Variants in EBF3 observed in about 807,000 individuals in gnomAD.
EBF3 encodes the protein EBF transcription factor 3.
Under a neutral mutation model 77.1 loss-of-function variants are expected in EBF3, and 18 were observed. The observed-to-expected ratio is 0.23, with a 90% CI of 0.16 to 0.35. EBF3 has a LOEUF of 0.35. Ranked by LOEUF, EBF3 falls within the 10% of genes least tolerant of loss-of-function variation. The probability of loss-of-function intolerance (pLI) is 1.00; values close to 1 mark genes in which losing one functional copy is unlikely to be tolerated. For synonymous variants in EBF3, 350 were observed against 343.5 expected (o/e 1.02, Z -0.21); for missense variants, 558 against 860.0 (o/e 0.65, Z 4.39).
At chr10:129,865,489 G>A (rs533859086) in intron 10 of EBF3, among the ~76,000 whole-genome samples, 6 of 152,184 alleles carry the variant, frequency 3.9e-5, no homozygotes, top group Non-Finnish European at 7.3e-5. Flanking sequence ...TCTTCTGGCA[G>A]CTCCTGAGCG....
rs77591282 is a variant in EBF3 at position 129,899,451 on chromosome 10, G to A, written c.555-21602C>T. 8.1e-3 allele frequency among the ~76,000 whole-genome samples: 1,234 copies of A among 152,304 alleles called. 16 individuals are homozygous for A. The highest frequency in any genetic ancestry group is 0.029 in the African/African-American group (1,185 of 41,574). On this transcript the variant is annotated intron_variant, in intron 6 of 16. Transcript: ENST00000440978. ...GGAGGACGGTGAGGCAGAGGCCGGC[G>A]CCCTGGACCAGCCTGGGTCATTTCA...
In EBF3 at chr10:129,835,595, G is replaced by A. The variant is rs1849570258; in HGVS notation, c.*2348C>T. ...AATGGAGGCAATTTAGTTCCAAAGT[G>A]ACTTCTCAGGCTTTCCCATGTAGCT... On this transcript the variant is annotated 3_prime_UTR_variant, in exon 17 of 17. Transcript: ENST00000440978. 1 of 152,248 alleles carries A rather than the reference G, an allele frequency of 6.6e-6. No individual in the cohort carries two copies. The highest frequency in any genetic ancestry group is 1.5e-5 in the Non-Finnish European group (1 of 68,042). 9.4% of individuals were successfully genotyped at this position (152,248 alleles called of 1,614,324 possible).
At chr10:129,946,198 C>T (rs1417002423) in intron 6 of EBF3, among the ~76,000 whole-genome samples, 2 of 152,230 alleles carry the variant, frequency 1.3e-5, no homozygotes, top group East Asian at 1.9e-4. Flanking sequence ...TGGCCTCGCG[C>T]GGACCCGCCC....
chr10:129,959,989 C>A (rs1859370064), intron 4 of EBF3, among the ~76,000 whole-genome samples: 1 of 152,138 alleles, frequency 6.6e-6, no homozygotes, highest in Admixed American at 6.5e-5. Context: ...CCAGATGGTG[C>A]GAAGCCCTAG....
chr10:129,946,144 C>G (rs1589931467), intron 6 of EBF3, among the ~76,000 whole-genome samples: 1 of 152,200 alleles, frequency 6.6e-6, no homozygotes, highest in Admixed American at 6.5e-5. Context: ...TTTAAAATCA[C>G]ATGCCCGCGG....
At chr10:129,907,883 T>C (rs973357084) in intron 6 of EBF3, among the ~76,000 whole-genome samples, 2 of 152,218 alleles carry the variant, frequency 1.3e-5, no homozygotes, top group Non-Finnish European at 2.9e-5. Context: ...GAGGCATTTA[T>C]GACACTTCAG....
intron 6 of EBF3, among the ~76,000 whole-genome samples, chr10:129,955,238 C>T (rs549910332): frequency 1.3e-5 from 2 of 152,276 alleles, no homozygotes; most frequent in South Asian, 2.1e-4. Context: ...ACTACCCTCA[C>T]CTTAAAATCC....
In EBF3 at chr10:129,897,546, T is replaced by A. The variant is rs1465817893; in HGVS notation, c.555-19697A>T. On this transcript the variant is annotated intron_variant, in intron 6 of 16. Coordinates refer to ENST00000440978, the MANE Select transcript of EBF3 (RefSeq NM_001375380.1). This position sits in a 1 kb window ranked among gnomAD's most constrained non-coding sequence, Gnocchi z 4.6. Reference sequence around the variant, plus strand: ...CCTATGCAGGAACTTCCTGGGAAAATACAGAGGAAACCCAGCACACGACCC... The same window carrying A: ...CCTATGCAGGAACTTCCTGGGAAAAAACAGAGGAAACCCAGCACACGACCC... Among the ~76,000 whole-genome samples the A allele has an allele frequency of 6.6e-6, 1 of 151,080 alleles. No individual in the cohort carries two copies. The highest frequency in any genetic ancestry group is 1.5e-5 in the Non-Finnish European group (1 of 67,878).
chr10:129,926,916 G>C (rs1856716411), intron 6 of EBF3, among the ~76,000 whole-genome samples: 1 of 152,168 alleles, frequency 6.6e-6, no homozygotes, highest in South Asian at 2.1e-4. Context: ...TGCTCCCGGG[G>C]GACAGGCTGC....
intron 6 of EBF3, among the ~76,000 whole-genome samples, chr10:129,937,444 A>G (rs1857439910): frequency 6.6e-6 from 1 of 152,092 alleles, no homozygotes; most frequent in Admixed American, 6.5e-5. Flanking sequence ...AAGAAAAAGG[A>G]GCAGGCTTTG....
In EBF3 at chr10:129,963,341, G is replaced by A. The variant is rs754733701; in HGVS notation, c.291+26C>T. Reference sequence around the variant, plus strand: ...TGCCTCCCGCTTCTAGAAAGAGAGAGGGTGTGATCGTGTGTTTGCACTTAC... The same window carrying A: ...TGCCTCCCGCTTCTAGAAAGAGAGAAGGTGTGATCGTGTGTTTGCACTTAC... On this transcript the variant is annotated intron_variant, in intron 2 of 16. Transcript: ENST00000440978. This position sits in a 1 kb window ranked among gnomAD's most constrained non-coding sequence, Gnocchi z 7.1. The A allele has an allele frequency of 1.3e-6, 2 of 1,569,258 alleles. No homozygotes were observed. The highest frequency in any genetic ancestry group is 1.8e-5 in the Admixed American group (1 of 54,672).
In EBF3 at chr10:129,891,707, C is replaced by T. The variant is rs74162522; in HGVS notation, c.555-13858G>A. ...TGTGGATCCGTGGCCCGGTGGTCTG[C>T]CACCCAAGGAGGTGATGCCATGTAT... On this transcript the variant is annotated intron_variant, in intron 6 of 16. Transcript: ENST00000440978. 2.8e-3 allele frequency among the ~76,000 whole-genome samples: 430 copies of T among 152,286 alleles called. 4 individuals are homozygous for T. The highest frequency in any genetic ancestry group is 9.6e-3 in the African/African-American group (397 of 41,548).
In EBF3 at chr10:129,867,489, A is replaced by G. The variant is rs80062362; in HGVS notation, c.913-222T>C. 1.0e-3 allele frequency among the ~76,000 whole-genome samples: 158 copies of G among 152,338 alleles called. 1 individual carries two copies. In the East Asian group the frequency reaches 0.024, roughly 23 times the overall value. On this transcript the variant is annotated intron_variant, in intron 9 of 16. Coordinates refer to ENST00000440978, the MANE Select transcript of EBF3 (RefSeq NM_001375380.1). ...TTTGCAGGAAAGGCCACAGGGCATCATTCATATGAAAATTGCCACCATATG... is the reference window on the plus strand; with the variant it reads ...TTTGCAGGAAAGGCCACAGGGCATCGTTCATATGAAAATTGCCACCATATG...
Position 129,886,658 on chromosome 10 carries a change from TC to T in EBF3, c.555-8810del, listed in dbSNP as rs563858601. Among the ~76,000 whole-genome samples, 9 of 152,254 alleles carry T rather than the reference TC, an allele frequency of 5.9e-5. No individual in the cohort carries two copies. The South Asian group carries it at 1.9e-3, about 32-fold the overall frequency. Reference sequence around the variant, plus strand: ...CCTCTGGTATGTGGGAATTTTTTTTTCCCTGGGATTTTTGCAGGTCGTCATT... The same window carrying T: ...CCTCTGGTATGTGGGAATTTTTTTTTCCTGGGATTTTTGCAGGTCGTCATT... On this transcript the variant is annotated intron_variant, in intron 6 of 16. Coordinates refer to ENST00000440978, the MANE Select transcript of EBF3 (RefSeq NM_001375380.1).
At chr10:129,850,730 A>C (rs1251714541) in intron 10 of EBF3, among the ~76,000 whole-genome samples, 3 of 152,186 alleles carry the variant, frequency 2.0e-5, no homozygotes, top group East Asian at 1.9e-4. Flanking sequence ...GCTTCTGATC[A>C]CTGAAGGTGG....
rs1849619735 is a variant in EBF3 at position 129,836,577 on chromosome 10, G to T, written c.*1366C>A. On this transcript the variant is annotated 3_prime_UTR_variant, in exon 17 of 17. Coordinates refer to ENST00000440978, the MANE Select transcript of EBF3 (RefSeq NM_001375380.1). ...TAAAAATAATATAAAAATAAACAATGAATTTGACTTTTCCTCAAAATAAAA... is the reference window on the plus strand; with the variant it reads ...TAAAAATAATATAAAAATAAACAATTAATTTGACTTTTCCTCAAAATAAAA... The T allele has an allele frequency of 7.1e-6, 1 of 141,186 alleles. No homozygotes were observed. Among genetic ancestry groups the T allele is most frequent in the Non-Finnish European group, 1.5e-5 (1 of 64,842 alleles). The allele number at this position is 141,186 out of a possible 1,614,324, so 8.7% of individuals were successfully genotyped here.
At chr10:129,915,485 CACACACACACACAA>C (rs1409639074) in intron 6 of EBF3, among the ~76,000 whole-genome samples, 8 of 124,870 alleles carry the variant, frequency 6.4e-5, no homozygotes, top group Middle Eastern at 3.8e-3. Context: ...CACACACACA[CACACACACACACAA>C]AAAAGCCAAG....
chr10:129,951,769 C>T (rs1298190098), intron 6 of EBF3, among the ~76,000 whole-genome samples: 1 of 152,262 alleles, frequency 6.6e-6, no homozygotes, highest in Non-Finnish European at 1.5e-5. Flanking sequence ...GGTGCACACC[C>T]GCATCTCAAG....
chr10:129,963,629 A>G lies in EBF3; in HGVS notation c.134+6T>C. The G allele has an allele frequency of 7.0e-7, 1 of 1,435,926 alleles. No homozygotes were observed. Among genetic ancestry groups the G allele is most frequent in the Non-Finnish European group, 9.3e-7 (1 of 1,079,008 alleles). The allele number at this position is 1,435,926 out of a possible 1,614,324, so 88.9% of individuals were successfully genotyped here. ...GCCAGGGCGCGCGGGGGCGGCCGGT[A>G]CGTACCTCTGGGCGGCCGTGTTGGC... On this transcript the variant is annotated splice_donor_region_variant and intron_variant, in intron 1 of 16. Transcript: ENST00000440978. This position sits in a 1 kb window ranked among gnomAD's most constrained non-coding sequence, Gnocchi z 7.1.
Sources: allele counts gnomAD v4.1 joint callset (sites outside exome capture counted in the v4.1 genomes callset), GRCh38; gene constraint gnomAD v4.1.1; non-coding constraint Gnocchi (gnomAD v3.1); transcripts MANE v1.5; gene names NCBI Gene and HGNC (gene_info 2026-07-23, HGNC 2026-07-21).